Variants in ME3 observed in about 807,000 individuals in gnomAD.
The protein encoded by ME3 is NADP-dependent malic enzyme, mitochondrial.
A neutral mutation model predicts 68.9 loss-of-function variants in ME3; 48 were observed. The observed-to-expected ratio is 0.70, with a 90% confidence interval of 0.55 to 0.89. The LOEUF (loss-of-function observed/expected upper bound fraction) is 0.89, where lower values mean the gene tolerates loss of function less well. ME3 is among the 40% of genes least tolerant of loss of function. The pLI, the probability that ME3 is intolerant of heterozygous loss-of-function variation, is 0.00. For missense variants in ME3, 675 were observed against 797.4 expected, an observed-to-expected ratio of 0.85 and a Z score of 1.85; for synonymous variants, 320 against 318.8, an observed-to-expected ratio of 1.00 and a Z score of -0.04.
At chr11:86,668,984 TC>T (rs1270109040) in intron 2 of ME3, among the ~76,000 whole-genome samples, 1 of 152,204 alleles carries the variant, frequency 6.6e-6, no homozygotes, top group Non-Finnish European at 1.5e-5. Flanking sequence ...AAACTGCACT[TC>T]CATTTTGCTT....
exon 15 of ME3, chr11:86,441,376 G>T (rs1337926343): frequency 1.2e-6 from 2 of 1,613,342 alleles, no homozygotes; most frequent in Admixed American, 3.3e-5. Context: ...TCTTACAAAA[G>T]CCTCCTTGTC....
intron 2 of ME3, among the ~76,000 whole-genome samples, chr11:86,645,169 T>C (rs1352456587): frequency 6.6e-6 from 1 of 151,994 alleles, no homozygotes. Context: ...TGCAGGAGTA[T>C]TTTTTTTGTA....
chr11:86,475,614 T>C (rs962330841), intron 7 of ME3, among the ~76,000 whole-genome samples: 1 of 152,068 alleles, frequency 6.6e-6, no homozygotes, highest in African/African-American at 2.4e-5. Flanking sequence ...GGGCACATAA[T>C]TGGATAAGTT....
rs574690520 is a variant in ME3, at chr11:86,619,452, C to A, written c.183+52310G>T. Among the ~76,000 whole-genome samples the A allele has an allele frequency of 2.0e-5, 3 of 152,280 alleles. No individual in the cohort carries two copies. The South Asian group carries it at 6.2e-4, about 32-fold the overall frequency. The stretch of plus-strand genomic sequence containing the variant: ...GATAATGGTTTGGCTGTGTCCCCAC[C>A]CAAATCTCATCTTGAATTGTAGCTC... On this transcript the variant is annotated intron_variant, in intron 2 of 14. Transcript: ENST00000543262.
chr11:86,631,767 T>C (rs1343210714), intron 2 of ME3, among the ~76,000 whole-genome samples: 1 of 152,170 alleles, frequency 6.6e-6, no homozygotes, highest in Admixed American at 6.5e-5. Flanking sequence ...AGTTTTATTC[T>C]TGTCATCCAG....
At chr11:86,596,776 A>C (rs1171478159) in intron 2 of ME3, among the ~76,000 whole-genome samples, 1 of 152,216 alleles carries the variant, frequency 6.6e-6, no homozygotes, top group African/African-American at 2.4e-5. Context: ...CTTGAACCTT[A>C]TTCTATGTGT....
chr11:86,465,504 A>G (rs1950434936), intron 7 of ME3, among the ~76,000 whole-genome samples: 1 of 151,994 alleles, frequency 6.6e-6, no homozygotes, highest in Admixed American at 6.5e-5. Context: ...CAGCCCTGGG[A>G]GTGACAAGAG....
intron 2 of ME3, among the ~76,000 whole-genome samples, chr11:86,618,286 C>G (rs1206645542): frequency 2.1e-5 from 2 of 96,538 alleles, no homozygotes; most frequent in East Asian, 6.1e-4. Flanking sequence ...GGCGACAGAG[C>G]AAGGCTCTGT....
At chr11:86,529,625 T>G (rs12361416) in intron 4 of ME3, among the ~76,000 whole-genome samples, 1 of 151,970 alleles carries the variant, frequency 6.6e-6, no homozygotes, top group Non-Finnish European at 1.5e-5. Flanking sequence ...ACTGGCAAAC[T>G]GAATCCAGCA....
At chr11:86,578,479 A>G (rs1422904820) in intron 2 of ME3, among the ~76,000 whole-genome samples, 1 of 152,168 alleles carries the variant, frequency 6.6e-6, no homozygotes, top group African/African-American at 2.4e-5. Context: ...GTGCGTGCGA[A>G]TAAGTGGGCG....
chr11:86,639,443 C>G (rs1353942033), intron 2 of ME3, among the ~76,000 whole-genome samples: 1 of 152,072 alleles, frequency 6.6e-6, no homozygotes, highest in Non-Finnish European at 1.5e-5. Flanking sequence ...ACATCTCCCC[C>G]ACACATTGCC....
At chr11:86,536,159 G>T (rs1051738229) in intron 4 of ME3, among the ~76,000 whole-genome samples, 1 of 152,168 alleles carries the variant, frequency 6.6e-6, no homozygotes, top group African/African-American at 2.4e-5. Context: ...AGGGCACTTG[G>T]CAGCATTGTA....
At position 86,541,244 on chromosome 11, in the gene ME3, GT is replaced by G. The variant is rs946667190; in HGVS notation, c.467+15308del. On this transcript the variant is annotated intron_variant, in intron 4 of 14. Transcript: ENST00000543262. Reference sequence around the variant, plus strand: ...GGCAGACACCAAGCTAGCTGCAGGTGTTTTTTTTTTCATACCCCAGTGGTGC... The same window carrying G: ...GGCAGACACCAAGCTAGCTGCAGGTGTTTTTTTTTCATACCCCAGTGGTGC... Among the ~76,000 whole-genome samples the G allele has an allele frequency of 2.2e-3, 331 of 149,938 alleles. 2 individuals are homozygous for G. The highest frequency in any genetic ancestry group is 2.8e-3 in the Admixed American group (42 of 15,044).
intron 2 of ME3, among the ~76,000 whole-genome samples, chr11:86,617,356 A>G (rs929037514): frequency 1.3e-5 from 2 of 152,038 alleles, no homozygotes; most frequent in South Asian, 4.1e-4. Flanking sequence ...TCCAATTCTT[A>G]GTTTCCTCTA....
At chr11:86,639,182 G>C (rs1386695123) in intron 2 of ME3, among the ~76,000 whole-genome samples, 2 of 152,174 alleles carry the variant, frequency 1.3e-5, no homozygotes, top group African/African-American at 4.8e-5. Context: ...TATTATTGTT[G>C]TTTTAATCAC....
chr11:86,502,883 C>T (rs1289854226), intron 5 of ME3, among the ~76,000 whole-genome samples: 3 of 152,086 alleles, frequency 2.0e-5, no homozygotes, highest in Non-Finnish European at 4.4e-5. Flanking sequence ...TGGGACTGAC[C>T]CAATACTGAC....
At chr11:86,475,874 TAGAGAGAGAGAG>T (rs1555206746) in intron 7 of ME3, among the ~76,000 whole-genome samples, 12 of 91,476 alleles carry the variant, frequency 1.3e-4, no homozygotes, top group Non-Finnish European at 2.5e-4. Flanking sequence ...TATATATATA[TAGAGAGAGAGAG>T]AGAGAGAGAG....
At chr11:86,649,633 A>C (rs1945266937) in intron 2 of ME3, among the ~76,000 whole-genome samples, 2 of 152,262 alleles carry the variant, frequency 1.3e-5, no homozygotes, top group Non-Finnish European at 2.9e-5. Context: ...ATACAAAATC[A>C]ATGTGCAAAA....
At chr11:86,577,799 C>T (rs1345878992) in intron 2 of ME3, among the ~76,000 whole-genome samples, 1 of 152,152 alleles carries the variant, frequency 6.6e-6, no homozygotes, top group Non-Finnish European at 1.5e-5. Flanking sequence ...CTAAAATGCT[C>T]TCATATGGCT....
Sources: allele counts gnomAD v4.1 joint callset (sites outside exome capture counted in the v4.1 genomes callset), GRCh38; gene constraint gnomAD v4.1.1; transcripts MANE v1.5; gene names NCBI Gene and HGNC (gene_info 2026-07-23, HGNC 2026-07-21).